The following FOSL2 variants were observed in gnomAD, a reference collection of about 807,000 sequenced individuals.
The protein encoded by FOSL2 is fos-related antigen 2.
FOSL2 carries 3 observed loss-of-function variants against 27.7 expected under a neutral mutation model. That is an observed-to-expected ratio of 0.11 (90% CI 0.05 to 0.28). The LOEUF (loss-of-function observed/expected upper bound fraction) is 0.28, where lower values mean the gene tolerates loss of function less well. Among genes scored for constraint, FOSL2 ranks in the 10% least tolerant of loss-of-function variants. FOSL2 has a pLI of 1.00. For synonymous variants in FOSL2, 179 were observed against 190.1 expected, an observed-to-expected ratio of 0.94 and a Z score of 0.48; for missense variants, 333 against 445.1, an observed-to-expected ratio of 0.75 and a Z score of 2.27.
chr2:28,398,610 C>T (rs558658134), intron 1 of FOSL2, among the ~76,000 whole-genome samples: 77 of 152,376 alleles, frequency 5.1e-4, no homozygotes, highest in African/African-American at 1.8e-3. Flanking sequence ...TGTTTCTTTC[C>T]TTCCCTGCTT....
At chr2:28,403,557 C>A (rs1296640697) in intron 1 of FOSL2, among the ~76,000 whole-genome samples, 3 of 152,112 alleles carry the variant, frequency 2.0e-5, no homozygotes, top group Non-Finnish European at 4.4e-5. Context: ...CTGGCTGTGC[C>A]CTGATGGAGT....
At position 28,392,922 on chromosome 2, in the gene FOSL2, G is replaced by T; in HGVS notation, c.-799G>T. 1 of 712,596 alleles carries T rather than the reference G, an allele frequency of 1.4e-6. No individual in the cohort carries two copies. Among genetic ancestry groups the T allele is most frequent in the Non-Finnish European group, 2.6e-6 (1 of 382,238 alleles). 44.1% of individuals were successfully genotyped at this position (712,596 alleles called of 1,614,324 possible). On this transcript the variant is annotated 5_prime_UTR_variant, in exon 1 of 4. Transcript: ENST00000264716. Reference sequence around the variant, plus strand: ...GAACCAGCGAGCGAGCGAACGAGCGGCGCTCGGCGGGGACAGAAAGAGGGA... The same window carrying T: ...GAACCAGCGAGCGAGCGAACGAGCGTCGCTCGGCGGGGACAGAAAGAGGGA...
intron 1 of FOSL2, among the ~76,000 whole-genome samples, chr2:28,401,253 A>AC (rs1663966329): frequency 6.6e-6 from 1 of 150,604 alleles, no homozygotes; most frequent in Non-Finnish European, 1.5e-5. Flanking sequence ...AAAAAAAAAA[A>AC]GCTTATCAGA....
At position 28,416,173 on chromosome 2, in the gene FOSL2, G is replaced by A. The variant is rs1664308411; in HGVS notation, c.*3725G>A. On this transcript the variant is annotated 3_prime_UTR_variant, in exon 4 of 4. Transcript: ENST00000264716. ...ACATTTCCAGGCGTGCCTGTGTCCTGTAGCTTTTTAAAAGGAAACCCAGTC... is the reference window on the plus strand; with the variant it reads ...ACATTTCCAGGCGTGCCTGTGTCCTATAGCTTTTTAAAAGGAAACCCAGTC... 6.6e-6 allele frequency: 1 copy of A among 151,972 alleles called. No individual in the cohort carries two copies. Among genetic ancestry groups the A allele is most frequent in the Admixed American group, 6.6e-5 (1 of 15,242 alleles). 9.4% of individuals were successfully genotyped at this position (151,972 alleles called of 1,614,324 possible). A position where few individuals can be genotyped will look rare whatever the true frequency, so the allele number is the denominator to read the frequency against.
rs887181103 is a variant in FOSL2, at chr2:28,393,651, C to T, written c.-70C>T. The T allele has an allele frequency of 1.0e-4, 121 of 1,190,956 alleles. No homozygotes were observed. The highest frequency in any genetic ancestry group is 2.9e-4 in the South Asian group (22 of 75,186). 73.8% of individuals were successfully genotyped at this position (1,190,956 alleles called of 1,614,324 possible). ...GGCGGACGAACGAGCGCGCAGCAGC[C>T]GGTGCGCGGCCGCGGCGAGGGCGGG... On this transcript the variant is annotated 5_prime_UTR_variant, in exon 1 of 4. Transcript: ENST00000264716. The surrounding 1 kb of genome is among the most constrained non-coding windows in gnomAD (Gnocchi z 4.6).
At position 28,392,869 on chromosome 2, in the gene FOSL2, T is replaced by C. The variant is rs1663700021; in HGVS notation, c.-852T>C. The C allele has an allele frequency of 1.4e-6, 1 of 715,488 alleles. No homozygotes were observed. The highest frequency in any genetic ancestry group is 2.0e-5 in the Admixed American group (1 of 49,920). 44.3% of individuals were successfully genotyped at this position (715,488 alleles called of 1,614,324 possible). The stretch of plus-strand genomic sequence containing the variant: ...GAACTCGTGCCATTGTAGTGACTCA[T>C]CTCGGGCAGAGCGCTAGGGCTCCGA... On this transcript the variant is annotated 5_prime_UTR_variant, in exon 1 of 4. Coordinates refer to ENST00000264716, the MANE Select transcript of FOSL2 (RefSeq NM_005253.4).
In FOSL2 at chr2:28,412,412, A is replaced by T; in HGVS notation, c.945A>T (p.Ser315=). 1 of 1,602,550 alleles carries T rather than the reference A, an allele frequency of 6.2e-7. No homozygotes were observed. Among genetic ancestry groups the T allele is most frequent in the Non-Finnish European group, 8.5e-7 (1 of 1,179,894 alleles). The change falls in exon 4 of 4, where the codon TCA becomes TCT. Residue 315 remains serine, a synonymous_variant. Transcript: ENST00000264716. This position sits in a 1 kb window ranked among gnomAD's most constrained non-coding sequence, Gnocchi z 7.1. The part of the protein sequence containing the change: ...RRSSSSGDQS[S]DSLNSPTLLA... The stretch of plus-strand genomic sequence containing the variant: ...GCAGTAGCAGCGGGGACCAATCATC[A>T]GACTCCTTGAACTCCCCCACTCTGC...
rs1664321638 is a variant in FOSL2, at chr2:28,416,891, A to G, written c.*4443A>G. 6.6e-6 allele frequency: 1 copy of G among 151,934 alleles called. No homozygotes were observed. The highest frequency in any genetic ancestry group is 1.5e-5 in the Non-Finnish European group (1 of 68,006). The allele number at this position is 151,934 out of a possible 1,614,324, so 9.4% of individuals were successfully genotyped here. The stretch of plus-strand genomic sequence containing the variant: ...AAGTCAGCTGTAAGACTCTGGAGGC[A>G]AACAAGTTGTATATGGTTCATATGG... On this transcript the variant is annotated 3_prime_UTR_variant, in exon 4 of 4. Transcript: ENST00000264716.
At position 28,412,397 on chromosome 2, in the gene FOSL2, C is replaced by T. The variant is rs141121352; in HGVS notation, c.930C>T (p.Ser310=). The part of the protein sequence containing the change: ...CSKAHRRSSS[S]GDQSSDSLNS... ...AGGCTCACCGCAGAAGCAGTAGCAG[C>T]GGGGACCAATCATCAGACTCCTTGA... Residue 310 remains serine (S), a synonymous_variant, in exon 4 of 4, where the codon AGC becomes AGT. Transcript: ENST00000264716. This position sits in a 1 kb window ranked among gnomAD's most constrained non-coding sequence, Gnocchi z 7.1. The T allele has an allele frequency of 1.9e-5, 31 of 1,605,340 alleles. No homozygotes were observed. The highest frequency in any genetic ancestry group is 4.5e-5 in the East Asian group (2 of 44,878).
At chr2:28,407,700 T>C (rs1382470452) in intron 2 of FOSL2, among the ~76,000 whole-genome samples, 1 of 152,260 alleles carries the variant, frequency 6.6e-6, no homozygotes, top group Admixed American at 6.5e-5. Context: ...TTAGTAGGTG[T>C]GCAGTCAACG....
chr2:28,398,523 A>T (rs1309203463), intron 1 of FOSL2, among the ~76,000 whole-genome samples: 1 of 152,202 alleles, frequency 6.6e-6, no homozygotes, highest in Non-Finnish European at 1.5e-5. Context: ...AGTGCTTTGG[A>T]GTGGCGCTTC....
At chr2:28,400,419 G>GTCTGAATAACACGTT (rs6146691) in intron 1 of FOSL2, among the ~76,000 whole-genome samples, 1 of 151,460 alleles carries the variant, frequency 6.6e-6, no homozygotes, top group African/African-American at 2.4e-5. Flanking sequence ...CTACCCCAGT[G>GTCTGAATAACACGTT]TCTGAATAAC....
intron 2 of FOSL2, among the ~76,000 whole-genome samples, chr2:28,407,748 C>T (rs1664112835): frequency 6.6e-6 from 1 of 152,230 alleles, no homozygotes; most frequent in South Asian, 2.1e-4. Flanking sequence ...CTTTGTGTTG[C>T]TTTCTGCTTT....
In FOSL2 at chr2:28,414,825, G is replaced by T. The variant is rs1346581075; in HGVS notation, c.*2377G>T. 1 of 152,124 alleles carries T rather than the reference G, an allele frequency of 6.6e-6. No homozygotes were observed. The highest frequency in any genetic ancestry group is 2.4e-5 in the African/African-American group (1 of 41,408). 9.4% of individuals were successfully genotyped at this position (152,124 alleles called of 1,614,324 possible). ...GTGTTGGGACCAGCAGAAGGCAAAC[G>T]TCCAGCCAACACACAGGACTGTAAG... is the stretch of plus-strand genomic sequence containing the variant. On this transcript the variant is annotated 3_prime_UTR_variant, in exon 4 of 4. Transcript: ENST00000264716.
intron 1 of FOSL2, chr2:28,396,825 C>A (rs1033284443): frequency 6.6e-6 from 1 of 151,242 alleles, no homozygotes; most frequent in African/African-American, 2.5e-5. Flanking sequence ...CACACACACA[C>A]ACACACACAC....
In FOSL2 at chr2:28,417,150, TA is replaced by T. The variant is rs760382006; in HGVS notation, c.*4703del. 4.6e-5 allele frequency: 7 copies of T among 152,226 alleles called. No homozygotes were observed. Among genetic ancestry groups the T allele is most frequent in the Admixed American group, 1.3e-4 (2 of 15,286 alleles). The allele number at this position is 152,226 out of a possible 1,614,324, so 9.4% of individuals were successfully genotyped here. A position where few individuals can be genotyped will look rare whatever the true frequency, so the allele number is the denominator to read the frequency against. On this transcript the variant is annotated 3_prime_UTR_variant, in exon 4 of 4. Coordinates refer to ENST00000264716, the MANE Select transcript of FOSL2 (RefSeq NM_005253.4). Reference sequence around the variant, plus strand: ...TGTTTTACTATATGTAATACAAGCCTACAGTATTTGCACTAAAGAAAGCTTG... The same window carrying T: ...TGTTTTACTATATGTAATACAAGCCTCAGTATTTGCACTAAAGAAAGCTTG...
intron 2 of FOSL2, among the ~76,000 whole-genome samples, chr2:28,406,463 T>A (rs1263462198): frequency 3.3e-5 from 5 of 152,156 alleles, no homozygotes; most frequent in Admixed American, 2.6e-4. Flanking sequence ...TTTATACCCA[T>A]TTTACAGACA....
chr2:28,406,481 G>A (rs929208248), intron 2 of FOSL2, among the ~76,000 whole-genome samples: 2 of 152,108 alleles, frequency 1.3e-5, no homozygotes, highest in African/African-American at 2.4e-5. Context: ...ACAAGGAAAC[G>A]GAGACCCAGA....
At position 28,409,351 on chromosome 2, in the gene FOSL2, G is replaced by A. The variant is rs544856278; in HGVS notation, c.462+485G>A. On this transcript the variant is annotated intron_variant, in intron 3 of 3. Coordinates refer to ENST00000264716, the MANE Select transcript of FOSL2 (RefSeq NM_005253.4). ...AGAAGTCTTGATGGAGATAGGTCAC[G>A]TGGCAGCAGGGTTGTATTTTCTTGG... is the stretch of plus-strand genomic sequence containing the variant. Among the ~76,000 whole-genome samples, 7 of 152,304 alleles carry A rather than the reference G, an allele frequency of 4.6e-5. No individual in the cohort carries two copies. In the East Asian group the frequency reaches 9.7e-4, roughly 21 times the overall value.
Sources: allele counts gnomAD v4.1 joint callset (sites outside exome capture counted in the v4.1 genomes callset), GRCh38; gene constraint gnomAD v4.1.1; non-coding constraint Gnocchi (gnomAD v3.1); transcripts MANE v1.5; gene names NCBI Gene and HGNC (gene_info 2026-07-23, HGNC 2026-07-21).